Variants in ABCA13 observed in about 807,000 individuals in gnomAD.
ABCA13 encodes the protein ATP binding cassette subfamily A member 13.
A neutral mutation model predicts 478.7 loss-of-function variants in ABCA13; 476 were observed. The observed-to-expected ratio is 0.99, with a 90% confidence interval of 0.92 to 1.07. ABCA13 has a LOEUF of 1.07. ABCA13 is among the 50% of genes least tolerant of loss of function. The pLI is 0.00. For missense variants in ABCA13, 6,060 were observed against 5,910.6 expected, an observed-to-expected ratio of 1.03 and a Z score of -0.83; for synonymous variants, 2,252 against 2,158.9, an observed-to-expected ratio of 1.04 and a Z score of -1.20.
chr7:48,197,401 G>A (rs2128909437), intron 2 of ABCA13, among the ~76,000 whole-genome samples: 1 of 152,348 alleles, frequency 6.6e-6, no homozygotes, highest in South Asian at 2.1e-4. Flanking sequence ...AGGTAGTGAG[G>A]TGTGGTAGAA....
chr7:48,482,090 G>A (rs1828828252), intron 46 of ABCA13, among the ~76,000 whole-genome samples: 1 of 151,848 alleles, frequency 6.6e-6, no homozygotes, highest in Admixed American at 6.6e-5. Flanking sequence ...ATAGATACAA[G>A]ATACTGTGCA....
chr7:48,199,730 ACT>A (rs1248226736), intron 3 of ABCA13, among the ~76,000 whole-genome samples: 1 of 151,972 alleles, frequency 6.6e-6, no homozygotes. Context: ...AATATACAAA[ACT>A]CTGTCTTTCT....
intron 20 of ABCA13, among the ~76,000 whole-genome samples, chr7:48,293,199 C>CCCCCCCCCCCCCCCCCCCCCA (rs1554419733): frequency 7.4e-6 from 1 of 135,752 alleles, no homozygotes; most frequent in African/African-American, 2.6e-5. Flanking sequence ...TCAGCCCCCC[C>CCCCCCCCCCCCCCCCCCCCCA]CCCGCCACAC....
intron 48 of ABCA13, among the ~76,000 whole-genome samples, chr7:48,495,438 A>G (rs564399560): frequency 6.6e-6 from 1 of 152,254 alleles, no homozygotes; most frequent in South Asian, 2.1e-4. Flanking sequence ...AATTGGTTGA[A>G]GTTCATTTTA....
At chr7:48,189,071 T>C (rs1261073937) in intron 1 of ABCA13, among the ~76,000 whole-genome samples, 1 of 152,188 alleles carries the variant, frequency 6.6e-6, no homozygotes, top group Non-Finnish European at 1.5e-5. Flanking sequence ...GAGGAGAGCC[T>C]GTGGCAGCAT....
Position 48,276,228 on chromosome 7 carries a change from C to T in ABCA13, c.6562C>T (p.His2188Tyr), listed in dbSNP as rs189450639. ...AGNFDVAFLT[H>Y]LLNQEQLTNF... ...CAATTTTGATGTTGCCTTTCTTACCCATCTGCTAAATCAAGAACAGCTGAC... is the reference window on the plus strand; with the variant it reads ...CAATTTTGATGTTGCCTTTCTTACCTATCTGCTAAATCAAGAACAGCTGAC... The change falls in exon 17 of 62, where the codon CAT becomes TAT. Residue 2188 changes from histidine (H) to tyrosine (Y), a missense_variant. This residue lies in a region of ABCA13 where 4,423 missense variants were observed against 4,309.1 expected (regional missense o/e 1.03). Transcript: ENST00000435803. The T allele has an allele frequency of 4.8e-4, 750 of 1,577,676 alleles. 1 individual carries two copies. In the East Asian group the frequency reaches 0.013, roughly 27 times the overall value.
intron 38 of ABCA13, among the ~76,000 whole-genome samples, chr7:48,400,744 G>A (rs1817490125): frequency 6.6e-6 from 1 of 152,242 alleles, no homozygotes; most frequent in Non-Finnish European, 1.5e-5. Flanking sequence ...TAGGTGTTCA[G>A]ACATTGTTTT....
chr7:48,526,909 C>T (rs1832924623), intron 54 of ABCA13, among the ~76,000 whole-genome samples: 1 of 152,078 alleles, frequency 6.6e-6, no homozygotes, highest in Non-Finnish European at 1.5e-5. Flanking sequence ...AAGGCAGGGA[C>T]TGTGATATAA....
chr7:48,626,647 G>A, intron 59 of ABCA13: 1 of 985,494 alleles, frequency 1.0e-6, no homozygotes, highest in Non-Finnish European at 1.2e-6. Context: ...CCAAGCACAT[G>A]GAGAAGGCAG....
chr7:48,438,324 G>A (rs1467974772), intron 42 of ABCA13, among the ~76,000 whole-genome samples: 1 of 151,996 alleles, frequency 6.6e-6, no homozygotes, highest in Non-Finnish European at 1.5e-5. Context: ...TTTTTGATTG[G>A]GAGTTTGGTT....
chr7:48,419,363 G>A (rs1488617354), intron 41 of ABCA13, among the ~76,000 whole-genome samples: 1 of 152,048 alleles, frequency 6.6e-6, no homozygotes, highest in Non-Finnish European at 1.5e-5. Context: ...AAATTTCTCA[G>A]TCTTCCTCCT....
intron 46 of ABCA13, 118 bp downstream of exon 46, chr7:48,481,272 A>G: frequency 1.3e-6 from 1 of 786,320 alleles, no homozygotes; most frequent in Non-Finnish European, 2.1e-6. Context: ...GGTGCTCATA[A>G]AAATTCCACA....
chr7:48,191,784 GGCTTTAGGCC>G (rs1465483983), intron 1 of ABCA13, among the ~76,000 whole-genome samples: 3 of 152,134 alleles, frequency 2.0e-5, no homozygotes, highest in African/African-American at 7.2e-5. Flanking sequence ...TTGTCTTCAT[GGCTTTAGGCC>G]ACTCATCTGG....
At chr7:48,263,113 ACAT>A (rs1232673036) in intron 15 of ABCA13, among the ~76,000 whole-genome samples, 2 of 151,964 alleles carry the variant, frequency 1.3e-5, no homozygotes, top group African/African-American at 4.8e-5. Flanking sequence ...CACAGTATCA[ACAT>A]CATCTGGATC....
chr7:48,413,506 C>T (rs1317255700), intron 41 of ABCA13, among the ~76,000 whole-genome samples: 1 of 152,128 alleles, frequency 6.6e-6, no homozygotes, highest in Non-Finnish European at 1.5e-5. Context: ...GAGGTTGGCT[C>T]TCTGTGTGGG....
chr7:48,297,264 C>T lies in ABCA13; in HGVS notation c.9152C>T (p.Ser3051Leu). Residue 3051 changes from serine (S) to leucine (L), a missense_variant, in exon 22 of 62, where the codon TCA (serine) becomes TTA (leucine). Coordinates refer to ENST00000435803, the MANE Select transcript of ABCA13 (RefSeq NM_152701.5). ...LAKSLEETWS[S>L]GNPIMTFLSN... is the part of the protein sequence containing the mutation. ...AAAAGCCTCGAGGAAACTTGGTCAT[C>T]AGGGAATCCCATCATGACTTTTCTC... 6.2e-7 allele frequency: 1 copy of T among 1,609,028 alleles called. No homozygotes were observed. The highest frequency in any genetic ancestry group is 8.5e-7 in the Non-Finnish European group (1 of 1,177,626).
chr7:48,326,693 G>C (rs1429432182), intron 27 of ABCA13, among the ~76,000 whole-genome samples: 1 of 152,022 alleles, frequency 6.6e-6, no homozygotes, highest in Non-Finnish European at 1.5e-5. Flanking sequence ...TTAACTCTAA[G>C]GCCAATGTTT....
At chr7:48,505,120 C>T (rs1444667910) in intron 48 of ABCA13, among the ~76,000 whole-genome samples, 1 of 152,154 alleles carries the variant, frequency 6.6e-6, no homozygotes, top group Non-Finnish European at 1.5e-5. Context: ...AAAATTTATT[C>T]TGGAAAACTG....
chr7:48,643,250 A>G, intron 59 of ABCA13, 38 bp from the exon 60 acceptor site: 3 of 1,374,920 alleles, frequency 2.2e-6, no homozygotes, highest in Non-Finnish European at 3.1e-6. Flanking sequence ...TTAGGTCAAT[A>G]TGATAATAAT....
Sources: allele counts gnomAD v4.1 joint callset (sites outside exome capture counted in the v4.1 genomes callset), GRCh38; gene constraint gnomAD v4.1.1; regional missense constraint gnomAD v4.1.1; transcripts MANE v1.5; gene names NCBI Gene and HGNC (gene_info 2026-07-23, HGNC 2026-07-21).